The following PNPT1 variants were observed in gnomAD, a reference collection of about 807,000 sequenced individuals.
The protein encoded by PNPT1 is polyribonucleotide nucleotidyltransferase 1.
In PNPT1, 53 loss-of-function variants were observed where a neutral mutation model predicts 119.5. The ratio of observed to expected loss-of-function variants is 0.44; its 90% CI spans 0.36 to 0.56. PNPT1 has a LOEUF of 0.56. Ranked by LOEUF, PNPT1 falls within the 20% of genes least tolerant of loss-of-function variation. PNPT1 has a pLI of 0.00. For missense variants in PNPT1, 948 were observed against 938.5 expected (o/e 1.01, Z -0.13); for synonymous variants, 357 against 322.1 (o/e 1.11, Z -1.16).
intron 18 of PNPT1, among the ~76,000 whole-genome samples, chr2:55,649,382 C>A (rs1188136035): frequency 1.3e-5 from 2 of 152,226 alleles, no homozygotes; most frequent in African/African-American, 4.8e-5. Flanking sequence ...GCAACTAAGA[C>A]ACTCATGCCA....
At chr2:55,654,976 TTTATA>T (rs779281257) in intron 17 of PNPT1, 23 bp from the exon 18 acceptor site, 1 of 1,601,874 alleles carries the variant, frequency 6.2e-7, no homozygotes, top group Non-Finnish European at 8.5e-7. Flanking sequence ...AAATAACTGC[TTTATA>T]TTAAACTGAT....
rs146796214 is a variant in PNPT1 at position 55,655,634 on chromosome 2, G to A, written c.1441+497C>T. ...CCTTGGTATTTTTTCCTCAAAATCT[G>A]TGACTATCTGATTTACGTCTGTTAC... On this transcript the variant is annotated intron_variant, in intron 17 of 27. Coordinates refer to ENST00000447944, the MANE Select transcript of PNPT1 (RefSeq NM_033109.5). 2.0e-3 allele frequency among the ~76,000 whole-genome samples: 306 copies of A among 152,296 alleles called. 1 individual carries two copies. The highest frequency in any genetic ancestry group is 6.7e-3 in the African/African-American group (280 of 41,574).
At chr2:55,657,288 C>T (rs999235168) in intron 15 of PNPT1, among the ~76,000 whole-genome samples, 13 of 151,924 alleles carry the variant, frequency 8.6e-5, no homozygotes, top group African/African-American at 3.1e-4. Context: ...GAGACTGCAC[C>T]ACTGCACTTC....
intron 8 of PNPT1, among the ~76,000 whole-genome samples, chr2:55,678,783 C>A (rs945910273): frequency 1.3e-5 from 2 of 152,160 alleles, no homozygotes; most frequent in African/African-American, 4.8e-5. Flanking sequence ...ACAACACAAC[C>A]CCCAACTAAT....
intron 14 of PNPT1, among the ~76,000 whole-genome samples, chr2:55,661,340 C>G (rs1389877962): frequency 6.6e-6 from 1 of 152,030 alleles, no homozygotes; most frequent in Non-Finnish European, 1.5e-5. Flanking sequence ...ATCCACCCAC[C>G]TCGGCCTCCC....
rs759908051 is a variant in PNPT1 at position 55,667,913 on chromosome 2, T to C, written c.1022A>G (p.Asn341Ser). 6.3e-6 allele frequency: 10 copies of C among 1,582,888 alleles called. No homozygotes were observed. In the Admixed American group the frequency reaches 1.8e-4, roughly 29 times the overall value. Residue 341 changes from asparagine (N) to serine (S), a missense_variant, in exon 12 of 28, where the codon AAT (asparagine) becomes AGT (serine). Physicochemically the swap from Asn to Ser is conservative, Grantham distance 46. Transcript: ENST00000447944. Reference protein sequence around the residue: ...ADPYEIIESFNVVAKEVFRSI... With the variant: ...ADPYEIIESFSVVAKEVFRSI... ...TCTAAAAACTTCCTTTGCAACAACA[T>C]TGAAGGATTCTATTATTTCATATGG...
chr2:55,649,579 T>C (rs777829600), intron 18 of PNPT1, among the ~76,000 whole-genome samples: 11 of 152,230 alleles, frequency 7.2e-5, no homozygotes, highest in Non-Finnish European at 1.3e-4. Flanking sequence ...CTTTCTCTCT[T>C]TGCTTCTTAG....
chr2:55,640,586 G>A (rs1189537685), intron 26 of PNPT1, 41 bp downstream of exon 26: 2 of 1,452,444 alleles, frequency 1.4e-6, no homozygotes, highest in African/African-American at 2.8e-5. Flanking sequence ...AGTGTTTCAA[G>A]GCAGTTATAA....
At chr2:55,680,296 T>C (rs1697204741) in intron 7 of PNPT1, among the ~76,000 whole-genome samples, 1 of 152,184 alleles carries the variant, frequency 6.6e-6, no homozygotes. Context: ...TAGGGCCTGC[T>C]CTGCCTAGGA....
intron 26 of PNPT1, among the ~76,000 whole-genome samples, chr2:55,640,022 A>G (rs959608921): frequency 7.2e-5 from 11 of 152,152 alleles, no homozygotes; most frequent in African/African-American, 2.2e-4. Flanking sequence ...TACAACTTCT[A>G]GCGTATATTA....
chr2:55,660,341 T>A (rs1198564568), intron 14 of PNPT1, 148 bp from the exon 15 acceptor site: 11 of 798,576 alleles, frequency 1.4e-5, no homozygotes, highest in Non-Finnish European at 2.0e-5. Context: ...AAGAATTAAT[T>A]AGAAGGATGA....
intron 21 of PNPT1, among the ~76,000 whole-genome samples, chr2:55,645,828 CT>C: frequency 1.7e-5 from 2 of 118,144 alleles, no homozygotes; most frequent in South Asian, 4.6e-4. Context: ...TGCCTGGCTA[CT>C]TAGTACTTCT....
chr2:55,658,561 A>G (rs936375577), intron 15 of PNPT1, among the ~76,000 whole-genome samples: 1 of 152,150 alleles, frequency 6.6e-6, no homozygotes, highest in Non-Finnish European at 1.5e-5. Context: ...ACAAAAATAA[A>G]ATATGGCAAT....
chr2:55,654,828 G>C (rs1165243504), intron 18 of PNPT1, 72 bp downstream of exon 18: 1 of 1,253,888 alleles, frequency 8.0e-7, no homozygotes, highest in African/African-American at 3.6e-5. Flanking sequence ...CTCCTGCCTT[G>C]GCCTCCCAAG....
At chr2:55,672,410 T>C (rs1696943606) in intron 9 of PNPT1, among the ~76,000 whole-genome samples, 1 of 152,244 alleles carries the variant, frequency 6.6e-6, no homozygotes, top group African/African-American at 2.4e-5. Context: ...GTTAATTTAA[T>C]TTCCAACTCA....
chr2:55,684,735 G>A (rs552629392), intron 4 of PNPT1, among the ~76,000 whole-genome samples: 1 of 152,332 alleles, frequency 6.6e-6, no homozygotes, highest in South Asian at 2.1e-4. Context: ...CAGTATAACA[G>A]GTACTAGGGA....
chr2:55,673,107 T>C (rs1327532167), intron 8 of PNPT1, 28 bp from the exon 9 acceptor site: 1 of 1,417,888 alleles, frequency 7.1e-7, no homozygotes, highest in Non-Finnish European at 9.5e-7. Context: ...AAAAAAAAAA[T>C]GACTGCCATC....
At chr2:55,692,839 T>G (rs1207348538) in intron 1 of PNPT1, among the ~76,000 whole-genome samples, 1 of 152,128 alleles carries the variant, frequency 6.6e-6, no homozygotes, top group Non-Finnish European at 1.5e-5. Context: ...TAACTTCAAG[T>G]CATCCTTCCG....
At chr2:55,674,996 C>T (rs1697021610) in intron 8 of PNPT1, among the ~76,000 whole-genome samples, 1 of 152,158 alleles carries the variant, frequency 6.6e-6, no homozygotes, top group African/African-American at 2.4e-5. Flanking sequence ...TGTGATGGCT[C>T]ATGCCTATTG....
Sources: gnomAD v4.1 joint callset for allele counts (sites outside exome capture counted in the v4.1 genomes callset) on GRCh38, gnomAD v4.1.1 for gene constraint, MANE v1.5 for transcripts, NCBI Gene and HGNC (gene_info 2026-07-23, HGNC 2026-07-21) for gene names.